The following PCDHA4 variants were observed in gnomAD, a reference collection of about 807,000 sequenced individuals.
The protein encoded by PCDHA4 is protocadherin alpha-4.
PCDHA4 carries 49 observed loss-of-function variants against 61.4 expected under a neutral mutation model. The observed-to-expected ratio is 0.80, with a 90% CI of 0.63 to 1.01. The LOEUF (loss-of-function observed/expected upper bound fraction) is 1.01, where lower values mean the gene tolerates loss of function less well. PCDHA4 is among the 50% of genes least tolerant of loss of function. PCDHA4 has a pLI of 0.00. For synonymous variants in PCDHA4, 590 were observed against 550.3 expected (o/e 1.07, Z -1.01); for missense variants, 1,254 against 1,235.8 (o/e 1.01, Z -0.22).
chr5:140,925,299 T>C (rs2082428309), intron 1 of PCDHA4, among the ~76,000 whole-genome samples: 1 of 152,200 alleles, frequency 6.6e-6, no homozygotes, highest in African/African-American at 2.4e-5. Context: ...GTTTCATTAT[T>C]GGGGCTTTGG....
intron 1 of PCDHA4, chr5:140,853,297 G>A: frequency 2.0e-6 from 2 of 981,768 alleles, no homozygotes; most frequent in African/African-American, 3.5e-5. Context: ...TCTCAGAAGG[G>A]CTGTGAACAC....
chr5:140,957,937 A>G (rs2095399590), intron 1 of PCDHA4, among the ~76,000 whole-genome samples: 1 of 152,112 alleles, frequency 6.6e-6, no homozygotes, highest in Admixed American at 6.5e-5. Flanking sequence ...AAATAATTTA[A>G]AGATCTTTAA....
intron 1 of PCDHA4, among the ~76,000 whole-genome samples, chr5:140,956,546 G>A (rs1330264002): frequency 1.3e-5 from 2 of 152,158 alleles, no homozygotes; most frequent in Non-Finnish European, 2.9e-5. Flanking sequence ...GCTGGATTTG[G>A]TTTGCCAGTA....
chr5:140,881,097 A>G (rs1179635604), intron 1 of PCDHA4, among the ~76,000 whole-genome samples: 1 of 152,262 alleles, frequency 6.6e-6, no homozygotes, highest in Non-Finnish European at 1.5e-5. Flanking sequence ...TTTTCATTAC[A>G]CCATTTGGCC....
At chr5:140,890,276 TC>T (rs1173106367) in intron 1 of PCDHA4, among the ~76,000 whole-genome samples, 2 of 152,136 alleles carry the variant, frequency 1.3e-5, no homozygotes, top group Non-Finnish European at 2.9e-5. Context: ...CAAGAACCAC[TC>T]AGTTGAGTCA....
chr5:140,820,792 A>AGGT (rs1264996305), intron 1 of PCDHA4, among the ~76,000 whole-genome samples: 1 of 152,112 alleles, frequency 6.6e-6, no homozygotes, highest in Non-Finnish European at 1.5e-5. Context: ...GTAAGTACAA[A>AGGT]GGTATGTATT....
intron 1 of PCDHA4, chr5:140,968,789 G>T (rs782339889): frequency 1.9e-6 from 3 of 1,614,180 alleles, no homozygotes; most frequent in South Asian, 1.1e-5. Flanking sequence ...AGCCTCTGTG[G>T]CCATTACAGT....
intron 1 of PCDHA4, among the ~76,000 whole-genome samples, chr5:140,847,234 C>T (rs1197831504): frequency 6.7e-6 from 1 of 149,750 alleles, no homozygotes; most frequent in African/African-American, 2.4e-5. Flanking sequence ...TATTTAACTA[C>T]CTTGAGCAAA....
Position 140,848,771 on chromosome 5 carries a change from C to G in PCDHA4, c.2385+39199C>G, listed in dbSNP as rs1184191151. 4.4e-6 allele frequency: 7 copies of G among 1,593,350 alleles called. No homozygotes were observed. In the South Asian group the frequency reaches 6.6e-5, roughly 15 times the overall value. On this transcript the variant is annotated intron_variant, in intron 1 of 3. Coordinates refer to ENST00000530339, the MANE Select transcript of PCDHA4 (RefSeq NM_018907.4). ...TGTTTGTGAATTCTCGGATCGACCG[C>G]GAGGAGCTGTGCGGGCGGAGCGCGG...
chr5:140,830,355 G>A (rs373021109), intron 1 of PCDHA4: 2 of 1,614,120 alleles, frequency 1.2e-6, no homozygotes, highest in Admixed American at 1.7e-5. Flanking sequence ...CAGCAGAGGC[G>A]GCAGAGGGTG....
chr5:140,902,203 C>CTTTTTTTT (rs148688132), intron 1 of PCDHA4, among the ~76,000 whole-genome samples: 9 of 124,444 alleles, frequency 7.2e-5, no homozygotes, highest in Non-Finnish European at 8.4e-5. Context: ...CTCTCTCTTT[C>CTTTTTTTT]TTTTTTTTTT....
At chr5:140,823,949 A>G in intron 1 of PCDHA4, 1 of 1,613,920 alleles carries the variant, frequency 6.2e-7, no homozygotes, top group Non-Finnish European at 8.5e-7. Context: ...TGCTCGGCGC[A>G]GCCCACCGAG....
intron 1 of PCDHA4, chr5:140,869,367 T>G (rs2051076893): frequency 6.2e-7 from 1 of 1,614,002 alleles, no homozygotes; most frequent in South Asian, 1.1e-5. Context: ...TTGTGAATTC[T>G]CGGATCGACC....
At position 140,808,754 on chromosome 5, in the gene PCDHA4, C is replaced by T. The variant is rs1764256292; in HGVS notation, c.1567C>T (p.Leu523=). The T allele has an allele frequency of 2.5e-6, 4 of 1,612,248 alleles. No homozygotes were observed. Among genetic ancestry groups the T allele is most frequent in the Non-Finnish European group, 3.4e-6 (4 of 1,179,826 alleles). Residue 523 remains leucine (L), a synonymous_variant, in exon 1 of 4, where the codon CTG becomes TTG. Coordinates refer to ENST00000530339, the MANE Select transcript of PCDHA4 (RefSeq NM_018907.4). The part of the protein sequence containing the change: ...ESGKVYALQP[L]DHEELELLQF... ...CGGCAAGGTGTACGCGCTGCAGCCG[C>T]TGGACCACGAGGAGCTAGAGCTGCT...
At chr5:140,857,987 C>A (rs1562532129) in intron 1 of PCDHA4, 2 of 1,596,876 alleles carry the variant, frequency 1.3e-6, no homozygotes, top group East Asian at 4.5e-5. Context: ...CCAGCGCCTA[C>A]TGGTGCTGGT....
At chr5:140,897,356 CCA>C (rs2066046729) in intron 1 of PCDHA4, among the ~76,000 whole-genome samples, 1 of 134,770 alleles carries the variant, frequency 7.4e-6, no homozygotes, top group South Asian at 2.4e-4. Context: ...ACAACTGTCC[CCA>C]GAGTGTGATG....
chr5:140,968,114 A>G, intron 1 of PCDHA4: 1 of 1,614,164 alleles, frequency 6.2e-7, no homozygotes, highest in Non-Finnish European at 8.5e-7. Context: ...ACCGCAGCTC[A>G]CATCCCTGCG....
intron 3 of PCDHA4, among the ~76,000 whole-genome samples, chr5:141,004,051 A>G (rs2098149842): frequency 6.6e-6 from 1 of 152,240 alleles, no homozygotes; most frequent in East Asian, 1.9e-4. Flanking sequence ...ATTTGCTGAT[A>G]CTGGCCCCTG....
Position 140,822,071 on chromosome 5 carries a change from C to T in PCDHA4, c.2385+12499C>T. The T allele has an allele frequency of 6.2e-7, 1 of 1,614,190 alleles. No homozygotes were observed. Among genetic ancestry groups the T allele is most frequent in the Non-Finnish European group, 8.5e-7 (1 of 1,180,032 alleles). ...CGGGAGGAGCTGTGCCGGCGGAGGG[C>T]GGAGTGCAGCATCCACCTGGAGGTG... On this transcript the variant is annotated intron_variant, in intron 1 of 3. Transcript: ENST00000530339.
Sources: gnomAD v4.1 joint callset for allele counts (sites outside exome capture counted in the v4.1 genomes callset) on GRCh38, gnomAD v4.1.1 for gene constraint, MANE v1.5 for transcripts, NCBI Gene and HGNC (gene_info 2026-07-23, HGNC 2026-07-21) for gene names.